Variants in CERT1 observed in about 807,000 individuals in gnomAD.
CERT1 encodes ceramide transfer protein.
Under a neutral mutation model 87.9 loss-of-function variants are expected in CERT1, and 31 were observed. The observed-to-expected ratio is 0.35, with a 90% confidence interval of 0.27 to 0.48. The LOEUF (loss-of-function observed/expected upper bound fraction) is 0.48, where lower values mean the gene tolerates loss of function less well. Among genes scored for constraint, CERT1 ranks in the 20% least tolerant of loss-of-function variants. The pLI, the probability that CERT1 is intolerant of heterozygous loss-of-function variation, is 0.99. For missense variants in CERT1, 487 were observed against 758.0 expected, an observed-to-expected ratio of 0.64 and a Z score of 4.20; for synonymous variants, 289 against 250.9, an observed-to-expected ratio of 1.15 and a Z score of -1.44.
At chr5:75,386,097 A>G in intron 12 of CERT1, 63 bp from the exon 13 acceptor site, 1 of 1,299,682 alleles carries the variant, frequency 7.7e-7, no homozygotes, top group Non-Finnish European at 1.0e-6. Flanking sequence ...AAAGCAGGAA[A>G]GCATGCTTTT....
rs1763597919 is a variant in CERT1 at position 75,425,910 on chromosome 5, T to C, written c.457-411A>G. On this transcript the variant is annotated intron_variant, in intron 4 of 16. Coordinates refer to ENST00000643780, the MANE Select transcript of CERT1 (RefSeq NM_001379029.1). Reference sequence around the variant, plus strand: ...AGTAATGGTGAGCTGTCATTTATGGTACCCTTGGGAGAGTACTATTTGATC... The same window carrying C: ...AGTAATGGTGAGCTGTCATTTATGGCACCCTTGGGAGAGTACTATTTGATC... Among the ~76,000 whole-genome samples, 3 of 152,362 alleles carry C rather than the reference T, an allele frequency of 2.0e-5. No homozygotes were observed. In the South Asian group the frequency reaches 6.2e-4, roughly 32 times the overall value.
chr5:75,403,697 T>C (rs1238295700), intron 8 of CERT1, among the ~76,000 whole-genome samples: 2 of 152,236 alleles, frequency 1.3e-5, no homozygotes, highest in African/African-American at 4.8e-5. Flanking sequence ...GAGTTGATGC[T>C]TGATAGTCTG....
At chr5:75,505,866 A>G in intron 2 of CERT1, 116 bp downstream of exon 2, 1 of 724,474 alleles carries the variant, frequency 1.4e-6, no homozygotes, top group Non-Finnish European at 2.2e-6. Flanking sequence ...TGTATATTCT[A>G]CAAGGACAAG....
intron 2 of CERT1, among the ~76,000 whole-genome samples, chr5:75,466,518 A>G (rs1176655097): frequency 6.6e-6 from 1 of 152,220 alleles, no homozygotes; most frequent in African/African-American, 2.4e-5. Context: ...TGCACAAAGC[A>G]CTTCCTTTAA....
chr5:75,440,279 T>C (rs538170705), intron 3 of CERT1, among the ~76,000 whole-genome samples: 1 of 152,032 alleles, frequency 6.6e-6, no homozygotes, highest in Non-Finnish European at 1.5e-5. Flanking sequence ...TATTTTCTAA[T>C]AGTATTAAAC....
chr5:75,467,677 G>T (rs1308571185), intron 2 of CERT1, among the ~76,000 whole-genome samples: 1 of 137,900 alleles, frequency 7.3e-6, no homozygotes, highest in Non-Finnish European at 1.6e-5. Flanking sequence ...AGTAGCATAA[G>T]AAATCTATGG....
chr5:75,462,346 T>C (rs1765267353), intron 2 of CERT1, among the ~76,000 whole-genome samples: 1 of 152,234 alleles, frequency 6.6e-6, no homozygotes, highest in African/African-American at 2.4e-5. Flanking sequence ...CTGTTCCACC[T>C]TGATCATCAG....
intron 14 of CERT1, among the ~76,000 whole-genome samples, chr5:75,383,622 T>G (rs1262322419): frequency 6.6e-6 from 1 of 152,140 alleles, no homozygotes; most frequent in Admixed American, 6.5e-5. Context: ...CTCCTAATTA[T>G]TAGATATAAG....
intron 2 of CERT1, among the ~76,000 whole-genome samples, chr5:75,486,247 AC>A (rs1323626103): frequency 2.6e-5 from 4 of 152,078 alleles, no homozygotes; most frequent in African/African-American, 9.7e-5. Context: ...AAGGACAAAA[AC>A]CATAAAGTCA....
intron 1 of CERT1, among the ~76,000 whole-genome samples, chr5:75,510,518 T>C (rs977412579): frequency 5.3e-5 from 8 of 152,282 alleles, no homozygotes; most frequent in South Asian, 2.1e-4. Flanking sequence ...TTACTATGAA[T>C]ATTTCCTGTA....
chr5:75,403,583 G>GTA (rs1762586865), intron 8 of CERT1, among the ~76,000 whole-genome samples: 1 of 152,188 alleles, frequency 6.6e-6, no homozygotes. Flanking sequence ...TTGCAATGAG[G>GTA]TAAGTAAAAA....
intron 12 of CERT1, among the ~76,000 whole-genome samples, chr5:75,387,818 C>T (rs1022415593): frequency 3.3e-5 from 5 of 152,088 alleles, no homozygotes; most frequent in East Asian, 1.9e-4. Context: ...TTATAGACAA[C>T]GATTGTTCTC....
chr5:75,385,802 C>A, intron 13 of CERT1, 100 bp downstream of exon 13: 1 of 916,702 alleles, frequency 1.1e-6, no homozygotes, highest in South Asian at 4.2e-5. Flanking sequence ...ATACTTTCTA[C>A]GTTGACTTTG....
At chr5:75,417,369 C>A (rs1198225177) in intron 6 of CERT1, among the ~76,000 whole-genome samples, 1 of 151,870 alleles carries the variant, frequency 6.6e-6, no homozygotes, top group African/African-American at 2.4e-5. Flanking sequence ...GCAAGAACTA[C>A]CTTATTATTT....
At chr5:75,506,162 G>C (rs776237604) in intron 1 of CERT1, 46 bp from the exon 2 acceptor site, 13 of 1,579,186 alleles carry the variant, frequency 8.2e-6, no homozygotes, top group Non-Finnish European at 1.0e-5. Context: ...ACAAAAAATA[G>C]AAGTATTTTA....
At chr5:75,432,080 C>T (rs1763893954) in intron 3 of CERT1, among the ~76,000 whole-genome samples, 2 of 140,760 alleles carry the variant, frequency 1.4e-5, no homozygotes, top group South Asian at 5.1e-4. Flanking sequence ...GAGATGAAGA[C>T]TTGCTCTGTC....
At chr5:75,372,350 C>T (rs926812621) in intron 17 of CERT1, 1 of 151,972 alleles carries the variant, frequency 6.6e-6, no homozygotes, top group African/African-American at 2.4e-5. Context: ...ACCCCATACC[C>T]CACAGCTGAT....
chr5:75,395,898 AC>A lies in CERT1; in HGVS notation c.1188+3411del, dbSNP rs202111042. On this transcript the variant is annotated intron_variant, in intron 11 of 16. Coordinates refer to ENST00000643780, the MANE Select transcript of CERT1 (RefSeq NM_001379029.1). ...GAAAAAACAAACAACAACAACAACA[AC>A]AACAACAACAAAAACACAGAACTTG... Among the ~76,000 whole-genome samples, 847 of 152,204 alleles carry A rather than the reference AC, an allele frequency of 5.6e-3. 6 individuals are homozygous for A. Among genetic ancestry groups the A allele is most frequent in the African/African-American group, 0.02 (818 of 41,552 alleles).
At chr5:75,445,941 G>T (rs1052112027) in intron 3 of CERT1, among the ~76,000 whole-genome samples, 2 of 152,134 alleles carry the variant, frequency 1.3e-5, no homozygotes, top group Admixed American at 1.3e-4. Context: ...GCTTCTGATT[G>T]CTTTCAGGAT....
Sources: gnomAD v4.1 joint callset for allele counts (sites outside exome capture counted in the v4.1 genomes callset) on GRCh38, gnomAD v4.1.1 for gene constraint, MANE v1.5 for transcripts, NCBI Gene and HGNC (gene_info 2026-07-23, HGNC 2026-07-21) for gene names.